Variants in SLC25A21 observed in about 807,000 individuals in gnomAD.
The protein encoded by SLC25A21 is solute carrier family 25 member 21, also known as mitochondrial 2-oxodicarboxylate carrier.
A neutral mutation model predicts 43.8 loss-of-function variants in SLC25A21; 47 were observed. The ratio of observed to expected loss-of-function variants is 1.07; its 90% confidence interval spans 0.85 to 1.37. The LOEUF is 1.37. SLC25A21 is among the 40% of genes most tolerant of loss of function. SLC25A21 has a pLI of 0.00. For synonymous variants in SLC25A21, 131 were observed against 121.3 expected, an observed-to-expected ratio of 1.08 and a Z score of -0.52; for missense variants, 352 against 350.2, an observed-to-expected ratio of 1.00 and a Z score of -0.04.
chr14:36,753,031 T>C (rs1295493887), intron 3 of SLC25A21, among the ~76,000 whole-genome samples: 2 of 152,090 alleles, frequency 1.3e-5, no homozygotes, highest in African/African-American at 4.8e-5. Flanking sequence ...GTACCTAGAA[T>C]AGTCAAACTC....
chr14:37,155,546 C>A (rs1963833178), intron 1 of SLC25A21, among the ~76,000 whole-genome samples: 1 of 152,076 alleles, frequency 6.6e-6, no homozygotes, highest in African/African-American at 2.4e-5. Context: ...AAGAGAAAAT[C>A]ATCTAGTCAC....
chr14:37,162,601 A>T (rs150890533), intron 1 of SLC25A21, among the ~76,000 whole-genome samples: 2,393 of 152,312 alleles, frequency 0.016, 53 homozygotes, highest in African/African-American at 0.054. Context: ...ATACCATCTC[A>T]CACCAGTTAG....
intron 1 of SLC25A21, among the ~76,000 whole-genome samples, chr14:37,112,130 A>G (rs1414713794): frequency 6.6e-6 from 1 of 150,992 alleles, no homozygotes; most frequent in Non-Finnish European, 1.5e-5. Flanking sequence ...TCCTTCCTTC[A>G]TTATTTTCTC....
At chr14:36,890,251 A>T (rs1891038824) in intron 1 of SLC25A21, among the ~76,000 whole-genome samples, 1 of 152,194 alleles carries the variant, frequency 6.6e-6, no homozygotes, top group African/African-American at 2.4e-5. Context: ...ATCGTCATGC[A>T]TGTAAAGTGT....
At chr14:37,171,988 C>G (rs888525139) in intron 1 of SLC25A21, 12 of 424,852 alleles carry the variant, frequency 2.8e-5, no homozygotes, top group African/African-American at 2.0e-4. Flanking sequence ...CTCAAAGTCG[C>G]TGCCCTTGGG....
At chr14:36,781,640 T>C (rs1398965702) in intron 3 of SLC25A21, among the ~76,000 whole-genome samples, 1 of 152,192 alleles carries the variant, frequency 6.6e-6, no homozygotes, top group Non-Finnish European at 1.5e-5. Context: ...ACAGTTTAAG[T>C]TTTTAATGTC....
At chr14:37,009,857 G>T (rs1028773068) in intron 1 of SLC25A21, among the ~76,000 whole-genome samples, 1 of 152,124 alleles carries the variant, frequency 6.6e-6, no homozygotes, top group East Asian at 1.9e-4. Flanking sequence ...AGAGAGTGGG[G>T]AGAGACAGGG....
At chr14:36,976,140 T>C (rs753135219) in intron 1 of SLC25A21, among the ~76,000 whole-genome samples, 1 of 152,052 alleles carries the variant, frequency 6.6e-6, no homozygotes, top group African/African-American at 2.4e-5. Context: ...AAAATAATCA[T>C]GAAATAGCAC....
At chr14:36,965,787 A>G (rs1959598569) in intron 1 of SLC25A21, among the ~76,000 whole-genome samples, 1 of 152,168 alleles carries the variant, frequency 6.6e-6, no homozygotes, top group Non-Finnish European at 1.5e-5. Flanking sequence ...TCCATAAGAG[A>G]GCCCTAATCA....
chr14:37,060,103 C>G (rs1022850039), intron 1 of SLC25A21, among the ~76,000 whole-genome samples: 2 of 151,806 alleles, frequency 1.3e-5, no homozygotes, highest in Non-Finnish European at 2.9e-5. Flanking sequence ...ATCCTAGCCC[C>G]CAGTGTGACG....
At chr14:37,041,938 T>C (rs1323473767) in intron 1 of SLC25A21, among the ~76,000 whole-genome samples, 1 of 152,168 alleles carries the variant, frequency 6.6e-6, no homozygotes, top group Non-Finnish European at 1.5e-5. Context: ...TTGAGGTAAA[T>C]GGCTGTAAGG....
chr14:37,124,599 AT>A (rs1464988152), intron 1 of SLC25A21, among the ~76,000 whole-genome samples: 1 of 152,220 alleles, frequency 6.6e-6, no homozygotes, highest in African/African-American at 2.4e-5. Flanking sequence ...GGCTGAAAAT[AT>A]CAGTAACCTC....
intron 7 of SLC25A21, among the ~76,000 whole-genome samples, chr14:36,688,792 T>A (rs368589027): frequency 6.6e-6 from 1 of 152,262 alleles, no homozygotes; most frequent in Non-Finnish European, 1.5e-5. Flanking sequence ...AAGCAATACA[T>A]CTGTTAATCT....
intron 1 of SLC25A21, among the ~76,000 whole-genome samples, chr14:36,883,873 G>A (rs1215874407): frequency 6.6e-6 from 1 of 151,804 alleles, no homozygotes; most frequent in Admixed American, 6.6e-5. Flanking sequence ...TGTTTATGGG[G>A]TACAATGTGA....
intron 1 of SLC25A21, chr14:37,097,289 C>G (rs941939641): frequency 6.6e-6 from 1 of 151,904 alleles, no homozygotes; most frequent in African/African-American, 2.4e-5. Flanking sequence ...TTAGTAGGGA[C>G]AGCATTTCGC....
In SLC25A21 at chr14:37,059,002, T is replaced by C. The variant is rs779898592; in HGVS notation, c.70+113279A>G. ...GTCCTTTCCAGGTAGGAATCCCTTTTTCTCTGGCTACTATTCTAACTTAAA... is the reference window on the plus strand; with the variant it reads ...GTCCTTTCCAGGTAGGAATCCCTTTCTCTCTGGCTACTATTCTAACTTAAA... On this transcript the variant is annotated intron_variant, in intron 1 of 9. Coordinates refer to ENST00000331299, the MANE Select transcript of SLC25A21 (RefSeq NM_030631.4). 3.5e-4 allele frequency among the ~76,000 whole-genome samples: 53 copies of C among 152,200 alleles called. 1 individual carries two copies. The highest frequency in any genetic ancestry group is 6.8e-4 in the Non-Finnish European group (46 of 68,040).
At position 36,981,255 on chromosome 14, in the gene SLC25A21, T is replaced by C. The variant is rs149031001; in HGVS notation, c.71-106251A>G. Among the ~76,000 whole-genome samples the C allele has an allele frequency of 7.1e-3, 1,087 of 152,274 alleles. 16 individuals carry two copies. Among genetic ancestry groups the C allele is most frequent in the African/African-American group, 0.023 (966 of 41,548 alleles). On this transcript the variant is annotated intron_variant, in intron 1 of 9. Coordinates refer to ENST00000331299, the MANE Select transcript of SLC25A21 (RefSeq NM_030631.4). Reference sequence around the variant, plus strand: ...ACTGCTCTTGGGACTGTAAACTAGTTCAATCACTGTGGAAGACAGCGTGGC... The same window carrying C: ...ACTGCTCTTGGGACTGTAAACTAGTCCAATCACTGTGGAAGACAGCGTGGC...
intron 5 of SLC25A21, among the ~76,000 whole-genome samples, chr14:36,727,035 C>G (rs991747421): frequency 6.6e-6 from 1 of 152,226 alleles, no homozygotes; most frequent in Non-Finnish European, 1.5e-5. Context: ...CTAGCACTTA[C>G]TGGCTGTGTG....
intron 1 of SLC25A21, among the ~76,000 whole-genome samples, chr14:37,155,431 G>T (rs1246172346): frequency 6.6e-6 from 1 of 152,150 alleles, no homozygotes; most frequent in Non-Finnish European, 1.5e-5. Context: ...TTCAGATACA[G>T]GTGGCTCAAC....
Sources: allele counts gnomAD v4.1 joint callset (sites outside exome capture counted in the v4.1 genomes callset), GRCh38; gene constraint gnomAD v4.1.1; transcripts MANE v1.5; gene names NCBI Gene and HGNC (gene_info 2026-07-23, HGNC 2026-07-21).